MCMDC2: variants seen among roughly 807,000 people sequenced by gnomAD.
MCMDC2 encodes minichromosome maintenance domain containing 2, also known as minichromosome maintenance domain-containing protein 2.
In MCMDC2, 54 loss-of-function variants were observed where a neutral mutation model predicts 75.8. The observed-to-expected ratio is 0.71, with a 90% confidence interval of 0.57 to 0.89. The LOEUF (loss-of-function observed/expected upper bound fraction) is 0.89. Among genes scored for constraint, MCMDC2 ranks in the 40% least tolerant of loss-of-function variants. The pLI, the probability that MCMDC2 is intolerant of heterozygous loss-of-function variation, is 0.00. For missense variants in MCMDC2, 656 were observed against 780.4 expected (o/e 0.84, Z 1.90); for synonymous variants, 249 against 274.6 (o/e 0.91, Z 0.92).
intron 13 of MCMDC2, 199 bp downstream of exon 13, chr8:66,901,547 A>T (rs2130847779): frequency 7.9e-7 from 1 of 1,262,996 alleles, no homozygotes; most frequent in Non-Finnish European, 9.9e-7. Context: ...ATCTCTAATA[A>T]TTTTTTTACT....
chr8:66,925,109 A>G (rs552477059), downstream of MCMDC2, among the ~76,000 whole-genome samples: 3 of 152,206 alleles, frequency 2.0e-5, no homozygotes, highest in South Asian at 6.2e-4. Flanking sequence ...GACCGGGTGG[A>G]GCACGAAGCC....
chr8:66,912,052 G>A (rs1226035588), intron 14 of MCMDC2, among the ~76,000 whole-genome samples: 2 of 152,206 alleles, frequency 1.3e-5, no homozygotes, highest in East Asian at 1.9e-4. Flanking sequence ...GATGGAGCTG[G>A]GCAAAGTCAT....
chr8:66,911,028 G>T (rs1813097521), intron 14 of MCMDC2, among the ~76,000 whole-genome samples: 1 of 152,174 alleles, frequency 6.6e-6, no homozygotes, highest in African/African-American at 2.4e-5. Flanking sequence ...TTGGACTTTT[G>T]GGTTAATGCT....
chr8:66,908,406 C>A (rs1287991582), intron 14 of MCMDC2, among the ~76,000 whole-genome samples: 1 of 152,064 alleles, frequency 6.6e-6, no homozygotes, highest in Non-Finnish European at 1.5e-5. Context: ...TTCTCCTAGT[C>A]TATGTTTAAG....
intron 5 of MCMDC2, among the ~76,000 whole-genome samples, 199 bp downstream of exon 5, chr8:66,877,743 T>C (rs967725481): frequency 3.3e-5 from 5 of 151,692 alleles, no homozygotes; most frequent in African/African-American, 1.2e-4. Flanking sequence ...CACATGCCTG[T>C]AGTCTCAGCT....
chr8:66,904,508 G>C (rs1217457375), intron 13 of MCMDC2, among the ~76,000 whole-genome samples: 1 of 152,048 alleles, frequency 6.6e-6, no homozygotes, highest in East Asian at 1.9e-4. Context: ...TTACTTATCT[G>C]CCTTTTACAG....
At chr8:66,922,354 C>G (rs1267738370), downstream of MCMDC2, 1 of 324,260 alleles carries the variant, frequency 3.1e-6, no homozygotes, top group African/African-American at 2.2e-5. Context: ...TATTTTTAAA[C>G]ATGACAGCTA....
intron 14 of MCMDC2, among the ~76,000 whole-genome samples, chr8:66,906,695 G>A (rs1038051086): frequency 2.0e-5 from 3 of 151,176 alleles, no homozygotes; most frequent in Non-Finnish European, 4.4e-5. Flanking sequence ...TAATAGTTAG[G>A]GAGGATATAT....
chr8:66,925,713 G>A, downstream of MCMDC2: 1 of 152,458 alleles, frequency 6.6e-6, no homozygotes, highest in Non-Finnish European at 1.5e-5. Context: ...TGCGCGGTGC[G>A]GCGACGCTGT....
chr8:66,887,055 G>A (rs1042395197), intron 9 of MCMDC2, among the ~76,000 whole-genome samples: 6 of 151,992 alleles, frequency 3.9e-5, no homozygotes, highest in African/African-American at 7.3e-5. Context: ...TAAAGTGTTT[G>A]TTCATTTGTT....
chr8:66,921,952 C>T lies in MCMDC2; in HGVS notation c.*2783C>T, dbSNP rs1813553055. On this transcript the variant is annotated 3_prime_UTR_variant, in exon 15 of 15. Coordinates refer to ENST00000422365, the MANE Select transcript of MCMDC2 (RefSeq NM_173518.5). ...TTTAGAGTTGATTTAAAAGAAAACA[C>T]TTTATTGTTCAGCAATTAAAAGTTA... The T allele has an allele frequency of 6.6e-6, 1 of 152,570 alleles. No homozygotes were observed. The highest frequency in any genetic ancestry group is 6.5e-5 in the Admixed American group (1 of 15,318). 9.5% of individuals were successfully genotyped at this position (152,570 alleles called of 1,614,324 possible). A position where few individuals can be genotyped will look rare whatever the true frequency, so the allele number is the denominator to read the frequency against.
At chr8:66,883,565 A>G (rs1436080325) in intron 8 of MCMDC2, among the ~76,000 whole-genome samples, 192 bp from the exon 9 acceptor site, 1 of 152,070 alleles carries the variant, frequency 6.6e-6, no homozygotes, top group African/African-American at 2.4e-5. Flanking sequence ...AGGTCAAGGC[A>G]GGGGAATCAA....
At chr8:66,918,048 T>A (rs1419835750) in intron 14 of MCMDC2, among the ~76,000 whole-genome samples, 1 of 152,222 alleles carries the variant, frequency 6.6e-6, no homozygotes, top group South Asian at 2.1e-4. Flanking sequence ...TTTCTCCACA[T>A]CCTCTCTAAC....
At chr8:66,901,683 G>A in intron 13 of MCMDC2, 3 of 1,002,806 alleles carry the variant, frequency 3.0e-6, no homozygotes, top group Non-Finnish European at 3.6e-6. Flanking sequence ...TGTAATCCCA[G>A]CACTTTGGGA....
In MCMDC2 at chr8:66,896,964, A is replaced by T. The variant is rs765070009; in HGVS notation, c.1626+5A>T. On this transcript the variant is annotated splice_donor_5th_base_variant and intron_variant, in intron 12 of 14. Coordinates refer to ENST00000422365, the MANE Select transcript of MCMDC2 (RefSeq NM_173518.5). ...ACAACTGAAGATTTTGAAAAGGTAA[A>T]GGTGGATAAAACGGTTACCCAGAAT... The T allele has an allele frequency of 1.9e-6, 3 of 1,591,332 alleles. No individual in the cohort carries two copies. In the South Asian group the frequency reaches 3.5e-5, roughly 18 times the overall value.
At chr8:66,889,646 A>C (rs1414667456) in intron 9 of MCMDC2, among the ~76,000 whole-genome samples, 1 of 152,094 alleles carries the variant, frequency 6.6e-6, no homozygotes, top group Non-Finnish European at 1.5e-5. Context: ...AAAAAACAAA[A>C]AATTGAGCCA....
At chr8:66,912,679 A>C (rs1303257288) in intron 14 of MCMDC2, among the ~76,000 whole-genome samples, 2 of 152,172 alleles carry the variant, frequency 1.3e-5, no homozygotes, top group Admixed American at 6.6e-5. Context: ...CCAAACTAAC[A>C]CAAGAACAGA....
intron 13 of MCMDC2, among the ~76,000 whole-genome samples, chr8:66,902,052 G>C (rs1358332848): frequency 2.0e-5 from 3 of 152,122 alleles, no homozygotes; most frequent in Non-Finnish European, 4.4e-5. Context: ...CTCAGGGCTG[G>C]GTGCAGTGGG....
intron 10 of MCMDC2, among the ~76,000 whole-genome samples, chr8:66,893,571 TATTAG>T (rs1361986416): frequency 6.6e-6 from 1 of 152,172 alleles, no homozygotes; most frequent in Admixed American, 6.5e-5. Flanking sequence ...GTTTTAAAAC[TATTAG>T]ATCTTGTGAG....
Sources: gnomAD v4.1 joint callset for allele counts (sites outside exome capture counted in the v4.1 genomes callset) on GRCh38, gnomAD v4.1.1 for gene constraint, MANE v1.5 for transcripts, NCBI Gene and HGNC (gene_info 2026-07-23, HGNC 2026-07-21) for gene names.